ADGRV1: variants seen among roughly 807,000 people sequenced by gnomAD.
The protein encoded by ADGRV1 is G-protein coupled receptor 98.
Under a neutral mutation model 596.2 loss-of-function variants are expected in ADGRV1, and 359 were observed. The ratio of observed to expected loss-of-function variants is 0.60; its 90% CI spans 0.55 to 0.66. ADGRV1 has a LOEUF of 0.66. ADGRV1 is among the 30% of genes least tolerant of loss of function. ADGRV1 has a pLI of 0.00. For synonymous variants in ADGRV1, 2,681 were observed against 2,679.2 expected (o/e 1.00, Z -0.02); for missense variants, 7,274 against 7,575.6 (o/e 0.96, Z 1.48).
chr5:90,620,738 A>T (rs187879721), intron 4 of ADGRV1, among the ~76,000 whole-genome samples: 1 of 152,326 alleles, frequency 6.6e-6, no homozygotes, highest in African/African-American at 2.4e-5. Context: ...TAGGTCTAAC[A>T]GGTAAGTCTT....
chr5:90,759,630 C>A (rs1344545494), intron 58 of ADGRV1, 42 bp downstream of exon 58: 2 of 1,549,132 alleles, frequency 1.3e-6, no homozygotes, highest in Non-Finnish European at 1.8e-6. Context: ...TTCAGGCTAG[C>A]GTTTCATGTA....
chr5:90,704,066 G>C (rs1368978333), intron 35 of ADGRV1, among the ~76,000 whole-genome samples: 2 of 151,946 alleles, frequency 1.3e-5, no homozygotes, highest in Non-Finnish European at 2.9e-5. Context: ...TCTTTTCTCT[G>C]CTCCAGTTTT....
chr5:90,936,449 G>T (rs1481385636), intron 83 of ADGRV1, among the ~76,000 whole-genome samples: 1 of 151,834 alleles, frequency 6.6e-6, no homozygotes, highest in Non-Finnish European at 1.5e-5. Context: ...TTTTTAAAAT[G>T]CGTGCCTTTT....
At chr5:90,938,432 T>G (rs1454056321) in intron 83 of ADGRV1, among the ~76,000 whole-genome samples, 1 of 152,216 alleles carries the variant, frequency 6.6e-6, no homozygotes, top group South Asian at 2.1e-4. Context: ...TTGAAAAGTA[T>G]GGTTTTTTGG....
At chr5:90,951,970 A>C (rs1012834635) in intron 83 of ADGRV1, among the ~76,000 whole-genome samples, 12 of 152,340 alleles carry the variant, frequency 7.9e-5, no homozygotes, top group African/African-American at 2.9e-4. Flanking sequence ...ATCAGTGGGA[A>C]TACTGATAAA....
intron 84 of ADGRV1, among the ~76,000 whole-genome samples, chr5:90,978,043 TC>T (rs1779762929): frequency 6.6e-6 from 1 of 152,098 alleles, no homozygotes; most frequent in African/African-American, 2.4e-5. Flanking sequence ...AAGCCTGTAA[TC>T]CAAGCACTTT....
rs1400780797 is a variant in ADGRV1 at position 90,679,654 on chromosome 5, T to C, written c.5524+25T>C. The C allele has an allele frequency of 2.0e-6, 3 of 1,531,610 alleles. No homozygotes were observed. The African/African-American group carries it at 4.1e-5, about 21-fold the overall frequency. 94.9% of individuals were successfully genotyped at this position (1,531,610 alleles called of 1,614,324 possible). A position where few individuals can be genotyped will look rare whatever the true frequency, so the allele number is the denominator to read the frequency against. On this transcript the variant is annotated intron_variant, in intron 26 of 89. Coordinates refer to ENST00000405460, the MANE Select transcript of ADGRV1 (RefSeq NM_032119.4). ...GGTAAGCAGTTTTTCCAAGGTCCTT[T>C]ACTATTATAGGTTTTTATTTTAACT... is the stretch of plus-strand genomic sequence containing the variant.
Position 90,745,053 on chromosome 5 carries a change from A to T in ADGRV1, c.10557A>T (p.Ile3519=), listed in dbSNP as rs764055118. The change falls in exon 51 of 90, where the codon ATA becomes ATT. Residue 3519 remains isoleucine (I), a synonymous_variant. Transcript: ENST00000405460. ...SFTPASGIAH[I]LLIGQDMSAL... is the part of the protein sequence containing the mutation. ...TTTCTTTCCTTCCTGCAGCCCACAT[A>T]CTTCTTATTGGCCAAGATATGTCTG... 1.2e-5 allele frequency: 20 copies of T among 1,612,718 alleles called. No individual in the cohort carries two copies. The highest frequency in any genetic ancestry group is 1.2e-4 in the African/African-American group (9 of 74,824).
At chr5:90,827,640 A>G (rs1301406722) in intron 76 of ADGRV1, among the ~76,000 whole-genome samples, 2 of 152,220 alleles carry the variant, frequency 1.3e-5, no homozygotes, top group Admixed American at 6.6e-5. Context: ...ATACTTTGAT[A>G]GTGCTTTAGT....
chr5:90,882,965 G>A (rs1027519967), intron 83 of ADGRV1, among the ~76,000 whole-genome samples: 2 of 151,960 alleles, frequency 1.3e-5, no homozygotes, highest in Non-Finnish European at 2.9e-5. Context: ...TTAGTAACTA[G>A]AGATTTTTAA....
intron 77 of ADGRV1, among the ~76,000 whole-genome samples, chr5:90,834,181 C>T (rs1326521727): frequency 2.0e-5 from 3 of 152,016 alleles, no homozygotes; most frequent in Non-Finnish European, 2.9e-5. Flanking sequence ...GGTTACACAC[C>T]AAAATTACAG....
At chr5:90,630,965 GGGA>G (rs1481911046) in intron 9 of ADGRV1, among the ~76,000 whole-genome samples, 3 of 151,988 alleles carry the variant, frequency 2.0e-5, no homozygotes, top group Non-Finnish European at 4.4e-5. Context: ...TTTCTCTTTT[GGGA>G]TTATGCTGTA....
intron 11 of ADGRV1, among the ~76,000 whole-genome samples, chr5:90,641,199 T>G (rs61749588): frequency 4.6e-5 from 7 of 152,208 alleles, no homozygotes; most frequent in African/African-American, 1.4e-4. Context: ...ACAATTACTG[T>G]GCTGTACTTC....
intron 1 of ADGRV1, among the ~76,000 whole-genome samples, chr5:90,566,906 A>T (rs1755708851): frequency 6.6e-6 from 1 of 152,172 alleles, no homozygotes; most frequent in South Asian, 2.1e-4. Flanking sequence ...TCTTAGAGAG[A>T]AAACTTTTGG....
rs772421634 is a variant in ADGRV1, at chr5:90,757,110, C to T, written c.11889C>T (p.Gly3963=). The change falls in exon 57 of 90, where the codon GGC becomes GGT. Residue 3963 remains glycine, a synonymous_variant. Transcript: ENST00000405460. ...VYWKASPDSA[G]LEDFKPSHGI... Reference sequence around the variant, plus strand: ...GGAAAGCATCACCAGACAGTGCTGGCCTGGAAGACTTTAAACCATCTCATG... The same window carrying T: ...GGAAAGCATCACCAGACAGTGCTGGTCTGGAAGACTTTAAACCATCTCATG... 6.2e-7 allele frequency: 1 copy of T among 1,613,876 alleles called. No homozygotes were observed. The highest frequency in any genetic ancestry group is 1.7e-5 in the Admixed American group (1 of 60,018).
chr5:90,963,560 T>A (rs1743584097), intron 83 of ADGRV1, among the ~76,000 whole-genome samples: 1 of 152,034 alleles, frequency 6.6e-6, no homozygotes, highest in Admixed American at 6.5e-5. Context: ...AATGCTGGCA[T>A]GCGTTCTTTT....
At chr5:91,049,628 T>C (rs527609971) in intron 85 of ADGRV1, among the ~76,000 whole-genome samples, 1 of 152,354 alleles carries the variant, frequency 6.6e-6, no homozygotes, top group South Asian at 2.1e-4. Flanking sequence ...TCTGGATAGC[T>C]TGTGTTTAGG....
chr5:90,948,638 A>G (rs1249044223), intron 83 of ADGRV1, among the ~76,000 whole-genome samples: 1 of 152,136 alleles, frequency 6.6e-6, no homozygotes, highest in African/African-American at 2.4e-5. Context: ...ATAAGTTTAA[A>G]ATGCATTAAA....
intron 77 of ADGRV1, among the ~76,000 whole-genome samples, chr5:90,831,546 A>T (rs1764531743): frequency 6.6e-6 from 1 of 152,110 alleles, no homozygotes. Flanking sequence ...TCAAGCATTT[A>T]TCCTTCCTTT....
Sources: allele counts gnomAD v4.1 joint callset (sites outside exome capture counted in the v4.1 genomes callset), GRCh38; gene constraint gnomAD v4.1.1; transcripts MANE v1.5; gene names NCBI Gene and HGNC (gene_info 2026-07-23, HGNC 2026-07-21).